The following CDC40 variants were observed in gnomAD, a reference collection of about 807,000 sequenced individuals.
CDC40 encodes the protein pre-mRNA-processing factor 17.
Under a neutral mutation model 80.6 loss-of-function variants are expected in CDC40, and 27 were observed. The ratio of observed to expected loss-of-function variants is 0.33; its 90% confidence interval spans 0.25 to 0.46. CDC40 has a LOEUF of 0.46. CDC40 is among the 20% of genes least tolerant of loss of function. The probability of loss-of-function intolerance (pLI) is 1.00; values close to 1 mark genes in which losing one functional copy is unlikely to be tolerated. For missense variants in CDC40, 486 were observed against 694.1 expected, an observed-to-expected ratio of 0.70 and a Z score of 3.37; for synonymous variants, 221 against 232.6, an observed-to-expected ratio of 0.95 and a Z score of 0.45.
intron 13 of CDC40, among the ~76,000 whole-genome samples, chr6:110,228,601 G>A (rs1257758101): frequency 6.6e-6 from 1 of 151,320 alleles, no homozygotes. Flanking sequence ...TTATATGAGA[G>A]TGCTCAATGA....
intron 3 of CDC40, 100 bp from the exon 4 acceptor site, chr6:110,207,406 T>G: frequency 1.6e-6 from 1 of 622,240 alleles, no homozygotes; most frequent in Non-Finnish European, 2.9e-6. Flanking sequence ...ATTTTTGACA[T>G]CTGGGAAAGA....
At chr6:110,195,989 G>A (rs558857272) in intron 2 of CDC40, among the ~76,000 whole-genome samples, 1 of 152,284 alleles carries the variant, frequency 6.6e-6, no homozygotes, top group East Asian at 1.9e-4. Flanking sequence ...TTATGGAAAA[G>A]AACAGGGATA....
At position 110,213,142 on chromosome 6, in the gene CDC40, C is replaced by T. The variant is rs1490928409; in HGVS notation, c.924C>T (p.Ser308=). ...CTGGCCATTTATTGCTGTCTTGTTC[C>T]ATGGACTGTAAAATTAAGGTGAGTT... is the stretch of plus-strand genomic sequence containing the variant. ...PLSGHLLLSC[S]MDCKIKLWEV... Residue 308 remains serine (S), a synonymous_variant, in exon 8 of 15, where the codon TCC becomes TCT. Transcript: ENST00000307731. 2 of 1,607,240 alleles carry T rather than the reference C, an allele frequency of 1.2e-6. No individual in the cohort carries two copies. The highest frequency in any genetic ancestry group is 1.7e-6 in the Non-Finnish European group (2 of 1,173,714).
At chr6:110,190,356 G>A (rs886189585) in intron 1 of CDC40, among the ~76,000 whole-genome samples, 1 of 152,190 alleles carries the variant, frequency 6.6e-6, no homozygotes, top group African/African-American at 2.4e-5. Flanking sequence ...ACAAAAGTGA[G>A]GGTGTATTAA....
intron 1 of CDC40, among the ~76,000 whole-genome samples, chr6:110,186,394 G>A (rs1049653541): frequency 3.9e-5 from 6 of 151,978 alleles, no homozygotes; most frequent in African/African-American, 1.5e-4. Flanking sequence ...TAAGGTAGGG[G>A]GATCGCTGGA....
At chr6:110,190,671 G>C (rs1292435143) in intron 1 of CDC40, among the ~76,000 whole-genome samples, 1 of 152,156 alleles carries the variant, frequency 6.6e-6, no homozygotes, top group Non-Finnish European at 1.5e-5. Context: ...GAACACCTGG[G>C]GTGGCCTGGT....
At chr6:110,226,754 T>G (rs1211383297) in intron 13 of CDC40, among the ~76,000 whole-genome samples, 1 of 152,008 alleles carries the variant, frequency 6.6e-6, no homozygotes, top group Non-Finnish European at 1.5e-5. Context: ...AGAATCACGT[T>G]CAGTAAATCA....
In CDC40 at chr6:110,210,846, C is replaced by T. The variant is rs200932456; in HGVS notation, c.727+43C>T. 1.1e-4 allele frequency: 112 copies of T among 1,031,250 alleles called. 1 individual carries two copies. In the Admixed American group the frequency reaches 2.8e-3, roughly 25 times the overall value. The allele number at this position is 1,031,250 out of a possible 1,614,324, so 63.9% of individuals were successfully genotyped here. A position where few individuals can be genotyped will look rare whatever the true frequency, so the allele number is the denominator to read the frequency against. On this transcript the variant is annotated intron_variant, in intron 6 of 14. Transcript: ENST00000307731. ...CATCTTCATTTTTATGAAAAACCTT[C>T]ATATTTACTCTGTTCGCTGTTCATA...
chr6:110,227,503 C>G (rs1047337918), intron 13 of CDC40, among the ~76,000 whole-genome samples: 1 of 152,026 alleles, frequency 6.6e-6, no homozygotes, highest in Non-Finnish European at 1.5e-5. Context: ...ATTTTTAAAC[C>G]ACCTATTACA....
In CDC40 at chr6:110,230,087, G is replaced by A. The variant is rs1234514749; in HGVS notation, c.1696G>A (p.Val566Ile). The A allele has an allele frequency of 1.2e-6, 2 of 1,612,318 alleles. No individual in the cohort carries two copies. Among genetic ancestry groups the A allele is most frequent in the Non-Finnish European group, 1.7e-6 (2 of 1,178,768 alleles). ...GTGGCATCCTCATGAAACTTCTAAG[G>A]TCATAACATGTGGTTGGGATGGTCT... The part of the protein sequence containing the change: ...AVWHPHETSK[V>I]ITCGWDGLIK... Residue 566 changes from valine (V) to isoleucine (I), a missense_variant, in exon 15 of 15, where the codon GTC (valine) becomes ATC (isoleucine). Val to Ile is a conservative substitution (Grantham distance 29, BLOSUM62 3). This residue lies in a region of CDC40 where 88 missense variants were observed against 138.7 expected (regional missense o/e 0.63). Transcript: ENST00000307731.
intron 1 of CDC40, among the ~76,000 whole-genome samples, chr6:110,180,948 T>G (rs1053884675): frequency 7.9e-5 from 12 of 152,086 alleles, no homozygotes; most frequent in African/African-American, 2.7e-4. Flanking sequence ...TGAAATTAGA[T>G]CAGGACTTCC....
intron 5 of CDC40, among the ~76,000 whole-genome samples, chr6:110,209,477 T>C (rs956589100): frequency 1.3e-5 from 2 of 152,140 alleles, no homozygotes; most frequent in African/African-American, 4.8e-5. Flanking sequence ...TCATAAAGAT[T>C]TCCTTGATAT....
intron 9 of CDC40, among the ~76,000 whole-genome samples, chr6:110,215,747 A>G (rs1777691631): frequency 1.3e-5 from 2 of 152,344 alleles, no homozygotes; most frequent in East Asian, 3.9e-4. Flanking sequence ...TGAAGTTTAC[A>G]AAGATCAAAT....
chr6:110,180,556 A>G lies in CDC40; in HGVS notation c.112A>G (p.Met38Val), dbSNP rs1777166302. ...TCCGCTGCCAGCCGCCGACTCCCTC[A>G]TGCACTTGACTAAATCGCCTTCATC... Reference protein sequence around the residue: ...RCPLPAADSLMHLTKSPSSKP... With the variant: ...RCPLPAADSLVHLTKSPSSKP... Residue 38 changes from methionine to valine, a missense_variant, in exon 1 of 15, where the codon ATG becomes GTG. Physicochemically the swap from Met to Val is conservative, Grantham distance 21. Around this residue, in one of 3 missense-constraint regions of CDC40, gnomAD observed 381 missense variants for 492.1 expected, o/e 0.77. Transcript: ENST00000307731. 6.2e-7 allele frequency: 1 copy of G among 1,614,078 alleles called. No homozygotes were observed. The highest frequency in any genetic ancestry group is 1.7e-5 in the Admixed American group (1 of 60,010).
intron 1 of CDC40, among the ~76,000 whole-genome samples, chr6:110,191,272 C>G (rs1028826259): frequency 2.6e-5 from 4 of 152,200 alleles, no homozygotes; most frequent in African/African-American, 9.7e-5. Context: ...TGTGGCATTG[C>G]TGCTTCTCCA....
At chr6:110,209,473 A>T (rs1430617076) in intron 5 of CDC40, among the ~76,000 whole-genome samples, 2 of 152,140 alleles carry the variant, frequency 1.3e-5, no homozygotes, top group Non-Finnish European at 2.9e-5. Flanking sequence ...ATTTTCATAA[A>T]GATTTCCTTG....
rs927674577 is a variant in CDC40, at chr6:110,230,913, C to T, written c.*782C>T. On this transcript the variant is annotated 3_prime_UTR_variant, in exon 15 of 15. Transcript: ENST00000307731. ...TGGCTACGCTTTGAGAAATCAGGAT[C>T]TCCTAGGTCATTGCTTCGCAGCTGT... 2.0e-5 allele frequency: 3 copies of T among 152,220 alleles called. No individual in the cohort carries two copies. Among genetic ancestry groups the T allele is most frequent in the Non-Finnish European group, 4.4e-5 (3 of 68,038 alleles). 9.4% of individuals were successfully genotyped at this position (152,220 alleles called of 1,614,324 possible). A position where few individuals can be genotyped will look rare whatever the true frequency, so the allele number is the denominator to read the frequency against.
At chr6:110,184,912 A>G (rs944669207) in intron 1 of CDC40, among the ~76,000 whole-genome samples, 4 of 152,206 alleles carry the variant, frequency 2.6e-5, no homozygotes, top group Admixed American at 6.5e-5. Flanking sequence ...ACAGTGAGAG[A>G]TTTTTATATC....
chr6:110,181,553 T>C (rs1777192659), intron 1 of CDC40, among the ~76,000 whole-genome samples: 1 of 152,236 alleles, frequency 6.6e-6, no homozygotes. Context: ...TTTAACAAGC[T>C]GTATGTGAAT....
Sources: allele counts gnomAD v4.1 joint callset (sites outside exome capture counted in the v4.1 genomes callset), GRCh38; gene constraint gnomAD v4.1.1; regional missense constraint gnomAD v4.1.1; transcripts MANE v1.5; gene names NCBI Gene and HGNC (gene_info 2026-07-23, HGNC 2026-07-21).